PLBD2: variants seen among roughly 807,000 people sequenced by gnomAD.
PLBD2 encodes putative aminopeptidase PLBD2.
PLBD2 carries 51 observed loss-of-function variants against 68.3 expected under a neutral mutation model. The observed-to-expected ratio is 0.75, with a 90% CI of 0.60 to 0.94. PLBD2 has a LOEUF of 0.94. Among genes scored for constraint, PLBD2 ranks in the 40% least tolerant of loss-of-function variants. The pLI, the probability that PLBD2 is intolerant of heterozygous loss-of-function variation, is 0.00. For missense variants in PLBD2, 729 were observed against 792.2 expected, an observed-to-expected ratio of 0.92 and a Z score of 0.96; for synonymous variants, 314 against 339.3, an observed-to-expected ratio of 0.93 and a Z score of 0.82.
intron 1 of PLBD2, chr12:113,359,596 G>A (rs971055725): frequency 1.3e-5 from 2 of 152,248 alleles, no homozygotes; most frequent in African/African-American, 4.8e-5. Flanking sequence ...TGATGTGTGA[G>A]TCTCACCTAA....
chr12:113,369,179 C>T lies in PLBD2; in HGVS notation c.354C>T (p.Ala118=), dbSNP rs761709953. The change falls in exon 2 of 12, where the codon GCC becomes GCT. Residue 118 remains alanine (A), a synonymous_variant. Transcript: ENST00000280800. The stretch of plus-strand genomic sequence containing the variant: ...ATGACAGCTTGCAGGCCTATGCAGC[C>T]GGTGTGGTGGAGGCTGCTGTGTCGG... The part of the protein sequence containing the change: ...QYNDSLQAYA[A]GVVEAAVSEE... 1.2e-5 allele frequency: 20 copies of T among 1,606,930 alleles called. No individual in the cohort carries two copies. Among genetic ancestry groups the T allele is most frequent in the Admixed American group, 6.8e-5 (4 of 58,978 alleles).
At chr12:113,383,862 G>C (rs1347849415) in intron 6 of PLBD2, among the ~76,000 whole-genome samples, 1 of 151,730 alleles carries the variant, frequency 6.6e-6, no homozygotes, top group Admixed American at 6.6e-5. Context: ...AGCCAGGCGT[G>C]GGGGCACGTG....
chr12:113,387,803 A>G lies in PLBD2; in HGVS notation c.1499A>G (p.Asn500Ser), dbSNP rs758115405. Residue 500 changes from asparagine to serine, a missense_variant, in exon 11 of 12, where the codon AAT (asparagine) becomes AGT (serine). Transcript: ENST00000280800. ...SLCKACNPQP[N>S]GENAISARSD... is the part of the protein sequence containing the mutation. Reference sequence around the variant, plus strand: ...TGCAAAGCCTGCAACCCCCAGCCCAATGGGGAGAATGCTATCTCCGCCCGC... The same window carrying G: ...TGCAAAGCCTGCAACCCCCAGCCCAGTGGGGAGAATGCTATCTCCGCCCGC... 18 of 1,614,072 alleles carry G rather than the reference A, an allele frequency of 1.1e-5. No individual in the cohort carries two copies. Among genetic ancestry groups the G allele is most frequent in the East Asian group, 2.2e-5 (1 of 44,874 alleles).
At chr12:113,377,209 A>G (rs1196483867) in intron 5 of PLBD2, 1 of 152,242 alleles carries the variant, frequency 6.6e-6, no homozygotes, top group Non-Finnish European at 1.5e-5. Context: ...CCTAATGTCC[A>G]TTCATTGAAA....
intron 6 of PLBD2, among the ~76,000 whole-genome samples, chr12:113,382,611 T>G (rs966020775): frequency 2.0e-5 from 3 of 152,060 alleles, no homozygotes; most frequent in Middle Eastern, 3.4e-3. Flanking sequence ...GCCTGGCTAA[T>G]TTTTTTATTT....
rs189089683 is a variant in PLBD2, at chr12:113,377,588, G to C, written c.859+2581G>C. On this transcript the variant is annotated intron_variant, in intron 5 of 11. Transcript: ENST00000280800. ...TTACAGGCACACACCACCACACCCAGCTAATTTTTGTATTTTCCGTAGAAA... is the reference window on the plus strand; with the variant it reads ...TTACAGGCACACACCACCACACCCACCTAATTTTTGTATTTTCCGTAGAAA... Among the ~76,000 whole-genome samples the C allele has an allele frequency of 9.3e-3, 1,410 of 152,192 alleles. 9 individuals are homozygous for C. Among genetic ancestry groups the C allele is most frequent in the South Asian group, 0.018 (88 of 4,830 alleles).
At chr12:113,383,931 G>A (rs145538405) in intron 6 of PLBD2, among the ~76,000 whole-genome samples, 174 bp from the exon 7 acceptor site, 130 of 150,844 alleles carry the variant, frequency 8.6e-4, no homozygotes, top group African/African-American at 2.9e-3. Flanking sequence ...CTTGGGAGGC[G>A]GAGGTTGTAG....
intron 10 of PLBD2, 83 bp from the exon 11 acceptor site, chr12:113,387,661 C>T (rs764325774): frequency 2.9e-5 from 41 of 1,436,064 alleles, no homozygotes; most frequent in Middle Eastern, 1.8e-4. Context: ...CAGCTGTTAA[C>T]GGGGCTGCCT....
Position 113,374,514 on chromosome 12 carries a change from G to T in PLBD2, c.584G>T (p.Ser195Ile), listed in dbSNP as rs1295633749. ...CTGCAGCTGAAAGGCCTGGAGGACA[G>T]CTACGAAGGCCGTGTGAGCTTCCCA... ...TLLQLKGLED[S>I]YEGRVSFPAG... is the part of the protein sequence containing the mutation. Residue 195 changes from serine (S) to isoleucine (I), a missense_variant, in exon 4 of 12, where the codon AGC (serine) becomes ATC (isoleucine). Coordinates refer to ENST00000280800, the MANE Select transcript of PLBD2 (RefSeq NM_173542.4). 1.2e-6 allele frequency: 2 copies of T among 1,606,826 alleles called. No individual in the cohort carries two copies. Among genetic ancestry groups the T allele is most frequent in the South Asian group, 2.2e-5 (2 of 89,414 alleles).
At chr12:113,387,148 C>G in intron 10 of PLBD2, 59 bp downstream of exon 10, 2 of 1,499,762 alleles carry the variant, frequency 1.3e-6, no homozygotes, top group South Asian at 2.7e-5. Context: ...ACAGAACTTC[C>G]TGTGCGCTTT....
chr12:113,379,501 C>G (rs971984349), intron 5 of PLBD2, among the ~76,000 whole-genome samples: 1 of 152,028 alleles, frequency 6.6e-6, no homozygotes, highest in Admixed American at 6.6e-5. Flanking sequence ...TTCTCTGCCC[C>G]CATGCAGGGC....
Position 113,380,792 on chromosome 12 carries a change from C to A in PLBD2, c.907C>A (p.Pro303Thr). Residue 303 changes from proline (P) to threonine (T), a missense_variant, in exon 6 of 12, where the codon CCC becomes ACC. Pro to Thr is a conservative substitution (Grantham distance 38). Coordinates refer to ENST00000280800, the MANE Select transcript of PLBD2 (RefSeq NM_173542.4). The part of the protein sequence containing the change: ...PGNKLVFSSY[P>T]GTIFSCDDFY... The stretch of plus-strand genomic sequence containing the variant: ...CAACAAGCTGGTCTTCTCCTCCTAC[C>A]CCGGCACCATCTTCTCCTGCGACGA... The A allele has an allele frequency of 6.4e-7, 1 of 1,556,666 alleles. No individual in the cohort carries two copies. Among genetic ancestry groups the A allele is most frequent in the Non-Finnish European group, 8.7e-7 (1 of 1,149,962 alleles).
chr12:113,358,778 C>T lies in PLBD2; in HGVS notation c.178C>T (p.Arg60Cys), dbSNP rs1156405847. Residue 60 changes from arginine (R) to cysteine (C), a missense_variant, in exon 1 of 12, where the codon CGC (arginine) becomes TGC (cysteine). Physicochemically the swap from Arg to Cys is radical, Grantham distance 180. Transcript: ENST00000280800. Reference protein sequence around the residue: ...ARDGQVPPASRSRSVLLDVSA... With the variant: ...ARDGQVPPASCSRSVLLDVSA... ...CGATGGGCAGGTCCCTCCAGCCTCCCGCAGCCGCTCGGTGCTCCTGGACGT... is the reference window on the plus strand; with the variant it reads ...CGATGGGCAGGTCCCTCCAGCCTCCTGCAGCCGCTCGGTGCTCCTGGACGT... 4 of 1,450,560 alleles carry T rather than the reference C, an allele frequency of 2.8e-6. No homozygotes were observed. Among genetic ancestry groups the T allele is most frequent in the African/African-American group, 3.0e-5 (2 of 66,534 alleles). 89.9% of individuals were successfully genotyped at this position (1,450,560 alleles called of 1,614,324 possible).
At chr12:113,388,292 A>G (rs540335807) in intron 11 of PLBD2, among the ~76,000 whole-genome samples, 167 bp from the exon 12 acceptor site, 2 of 152,148 alleles carry the variant, frequency 1.3e-5, no homozygotes, top group East Asian at 1.9e-4. Context: ...CAGTGAGCCA[A>G]GATCACGTCA....
At chr12:113,381,006 C>T (rs1191217289) in intron 6 of PLBD2, among the ~76,000 whole-genome samples, 164 bp downstream of exon 6, 1 of 151,834 alleles carries the variant, frequency 6.6e-6, no homozygotes, top group Non-Finnish European at 1.5e-5. Context: ...GGACGCTGCC[C>T]CACCTGCCAT....
At chr12:113,375,288 A>C (rs1287569270) in intron 5 of PLBD2, 2 of 457,658 alleles carry the variant, frequency 4.4e-6, no homozygotes, top group South Asian at 2.4e-5. Flanking sequence ...TGGAACTACA[A>C]ATGTGTACCA....
chr12:113,387,396 G>A (rs542689785), intron 10 of PLBD2, among the ~76,000 whole-genome samples: 1 of 152,190 alleles, frequency 6.6e-6, no homozygotes, highest in Admixed American at 6.5e-5. Flanking sequence ...CTCTTGGGCG[G>A]TGCAGAAATC....
At chr12:113,359,796 C>T (rs189595838) in intron 1 of PLBD2, among the ~76,000 whole-genome samples, 36 of 151,846 alleles carry the variant, frequency 2.4e-4, no homozygotes, top group Admixed American at 7.9e-4. Flanking sequence ...ACACAGACAG[C>T]GATAGAAGAG....
intron 1 of PLBD2, among the ~76,000 whole-genome samples, chr12:113,364,265 G>A (rs1410990595): frequency 6.6e-6 from 1 of 152,220 alleles, no homozygotes; most frequent in Non-Finnish European, 1.5e-5. Flanking sequence ...CTCACCAGGT[G>A]TGCCCTGGAG....
Sources: gnomAD v4.1 joint callset for allele counts (sites outside exome capture counted in the v4.1 genomes callset) on GRCh38, gnomAD v4.1.1 for gene constraint, MANE v1.5 for transcripts, NCBI Gene and HGNC (gene_info 2026-07-23, HGNC 2026-07-21) for gene names.